The following RNF220 variants were observed in gnomAD, a reference collection of about 807,000 sequenced individuals.
RNF220 encodes the protein E3 ubiquitin-protein ligase RNF220.
Under a neutral mutation model 67.1 loss-of-function variants are expected in RNF220, and 7 were observed. The observed-to-expected ratio is 0.10, with a 90% confidence interval of 0.06 to 0.20. RNF220 has a LOEUF of 0.20. RNF220 is among the 10% of genes least tolerant of loss of function. The pLI is 1.00. For synonymous variants in RNF220, 270 were observed against 283.2 expected (o/e 0.95, Z 0.47); for missense variants, 565 against 740.3 (o/e 0.76, Z 2.75).
At chr1:44,559,745 A>G (rs1384514806) in intron 2 of RNF220, among the ~76,000 whole-genome samples, 1 of 152,012 alleles carries the variant, frequency 6.6e-6, no homozygotes, top group Non-Finnish European at 1.5e-5. Flanking sequence ...TGTCAGTGCT[A>G]GCTAGCTCTG....
intron 2 of RNF220, among the ~76,000 whole-genome samples, chr1:44,577,718 C>T (rs551865144): frequency 1.3e-5 from 2 of 152,376 alleles, no homozygotes; most frequent in South Asian, 4.1e-4. Context: ...ATAATCCCAG[C>T]ACTGTGGGAG....
intron 2 of RNF220, among the ~76,000 whole-genome samples, chr1:44,506,736 G>T (rs180705859): frequency 6.2e-4 from 94 of 152,330 alleles, no homozygotes; most frequent in Non-Finnish European, 1.1e-3. Flanking sequence ...AAGTCCTGTG[G>T]TCTTGTCTGA....
At chr1:44,486,710 A>G (rs1414615809) in intron 2 of RNF220, among the ~76,000 whole-genome samples, 2 of 152,206 alleles carry the variant, frequency 1.3e-5, no homozygotes, top group African/African-American at 4.8e-5. Flanking sequence ...TTGGGAAGCC[A>G]TGGAGCTTCA....
intron 2 of RNF220, among the ~76,000 whole-genome samples, chr1:44,585,413 T>C (rs1396386882): frequency 1.3e-5 from 2 of 152,206 alleles, no homozygotes; most frequent in Admixed American, 6.5e-5. Context: ...TCCCTCCAAC[T>C]TCTGGAACAG....
Position 44,468,614 on chromosome 1 carries a change from G to A in RNF220, c.625+55892G>A, listed in dbSNP as rs143598009. ...TTGTATCTTTTAAATTTTGTTCCATGTAGAATAGAATTCTTTAGGCCAGGC... is the reference window on the plus strand; with the variant it reads ...TTGTATCTTTTAAATTTTGTTCCATATAGAATAGAATTCTTTAGGCCAGGC... On this transcript the variant is annotated intron_variant, in intron 2 of 14. Transcript: ENST00000361799. Among the ~76,000 whole-genome samples the A allele has an allele frequency of 5.9e-5, 9 of 152,174 alleles. 1 individual carries two copies. The highest frequency in any genetic ancestry group is 2.2e-4 in the African/African-American group (9 of 41,542).
chr1:44,592,456 G>T (rs1409542684), intron 2 of RNF220, among the ~76,000 whole-genome samples: 1 of 152,112 alleles, frequency 6.6e-6, no homozygotes, highest in African/African-American at 2.4e-5. Context: ...GCCCTGTGTT[G>T]TCCTGTTGGC....
chr1:44,579,297 A>G (rs1259810123), intron 2 of RNF220, among the ~76,000 whole-genome samples: 1 of 152,248 alleles, frequency 6.6e-6, no homozygotes, highest in Non-Finnish European at 1.5e-5. Context: ...ACAGTCACTG[A>G]GCAGTAGGAC....
intron 2 of RNF220, among the ~76,000 whole-genome samples, chr1:44,537,583 T>C (rs156653): frequency 0.75 from 114,301 of 152,088 alleles, 43,669 homozygotes; most frequent in African/African-American, 0.88. Flanking sequence ...TAAAGTTCTG[T>C]CCTTTGAATC....
chr1:44,594,101 A>G (rs562403712), intron 2 of RNF220, among the ~76,000 whole-genome samples: 5 of 147,532 alleles, frequency 3.4e-5, no homozygotes, highest in African/African-American at 1.0e-4. Context: ...AAAAAAAAAA[A>G]GGGATAAACT....
intron 2 of RNF220, among the ~76,000 whole-genome samples, chr1:44,593,209 C>T (rs774190157): frequency 6.6e-5 from 10 of 152,184 alleles, no homozygotes; most frequent in Non-Finnish European, 1.2e-4. Flanking sequence ...GCCCTAGACC[C>T]GCAGAGGGCA....
chr1:44,546,020 C>T (rs1336590565), intron 2 of RNF220, among the ~76,000 whole-genome samples: 2 of 152,134 alleles, frequency 1.3e-5, no homozygotes, highest in African/African-American at 4.8e-5. Flanking sequence ...CATTCTGAAC[C>T]TGAGAGAGAA....
chr1:44,437,971 C>T (rs547864407), intron 2 of RNF220, among the ~76,000 whole-genome samples: 5 of 152,286 alleles, frequency 3.3e-5, no homozygotes, highest in African/African-American at 1.2e-4. Flanking sequence ...TAAACAGAGA[C>T]ACTAACTTAC....
intron 2 of RNF220, among the ~76,000 whole-genome samples, chr1:44,413,369 G>A (rs1483656135): frequency 6.6e-6 from 1 of 152,168 alleles, no homozygotes. Context: ...TCACTTTTAG[G>A]ACTAGACACG....
chr1:44,483,710 C>G (rs1272705013), intron 2 of RNF220, among the ~76,000 whole-genome samples: 1 of 152,178 alleles, frequency 6.6e-6, no homozygotes, highest in East Asian at 1.9e-4. Flanking sequence ...GGGGTCAGAT[C>G]AGAGAGGGCC....
chr1:44,480,088 T>C (rs1655657618), intron 2 of RNF220, among the ~76,000 whole-genome samples: 1 of 152,204 alleles, frequency 6.6e-6, no homozygotes. Context: ...GTTGTTCTAG[T>C]TATAACAGCA....
chr1:44,439,607 A>G (rs1651349556), intron 2 of RNF220, among the ~76,000 whole-genome samples: 1 of 152,136 alleles, frequency 6.6e-6, no homozygotes, highest in Admixed American at 6.6e-5. Context: ...GTGTGTCCAG[A>G]ATAGCCTTAA....
chr1:44,646,753 C>T (rs1644662485), intron 12 of RNF220, among the ~76,000 whole-genome samples: 1 of 152,172 alleles, frequency 6.6e-6, no homozygotes, highest in South Asian at 2.1e-4. Context: ...GCACAGGCAC[C>T]CGTAGGCAGG....
chr1:44,468,332 T>C (rs1654467489), intron 2 of RNF220, among the ~76,000 whole-genome samples: 2 of 152,138 alleles, frequency 1.3e-5, no homozygotes, highest in East Asian at 3.9e-4. Context: ...TGGCAATATC[T>C]ATCAGCTCTT....
chr1:44,507,283 G>A (rs1051995586), intron 2 of RNF220, among the ~76,000 whole-genome samples: 1 of 152,030 alleles, frequency 6.6e-6, no homozygotes. Context: ...ACAATGGAGG[G>A]GACAACAAAG....
Sources: allele counts gnomAD v4.1 joint callset (sites outside exome capture counted in the v4.1 genomes callset), GRCh38; gene constraint gnomAD v4.1.1; transcripts MANE v1.5; gene names NCBI Gene and HGNC (gene_info 2026-07-23, HGNC 2026-07-21).